TAF1: variants seen among roughly 807,000 people sequenced by gnomAD.
TAF1 encodes the protein TATA-box binding protein associated factor 1, also known as transcription initiation factor TFIID subunit 1.
In TAF1, 2 loss-of-function variants were observed where a neutral mutation model predicts 138.5. That is an observed-to-expected ratio of 0.01 (90% confidence interval 0.01 to 0.05). The LOEUF (loss-of-function observed/expected upper bound fraction) is 0.05, where lower values mean the gene tolerates loss of function less well. Among genes scored for constraint, TAF1 ranks in the 10% least tolerant of loss-of-function variants. The pLI is 1.00. For missense variants in TAF1, 709 were observed against 1,478.0 expected (o/e 0.48, Z 8.53); for synonymous variants, 437 against 503.2 (o/e 0.87, Z 1.76).
chrX:71,367,141 C>T (rs991818475), intron 1 of TAF1, among the ~76,000 whole-genome samples: 1 of 112,349 alleles, frequency 8.9e-6, no homozygotes, highest in African/African-American at 3.2e-5. Flanking sequence ...GAAACAGGGA[C>T]CGAACGAGCC....
At chrX:71,503,298 G>GTA (rs1161129315) in intron 13 of TAF1, among the ~76,000 whole-genome samples, 6,587 of 80,029 alleles carry the variant, frequency 0.082, 306 homozygotes, top group African/African-American at 0.15. Context: ...ATATATATGT[G>GTA]TATATATATA....
chrX:71,370,850 A>G (rs2033005933), intron 3 of TAF1, among the ~76,000 whole-genome samples: 1 of 112,237 alleles, frequency 8.9e-6, no homozygotes, highest in African/African-American at 3.2e-5. Flanking sequence ...CCCACGAAAA[A>G]TAGAAGATAT....
chrX:71,413,144 C>G (rs1285576436), intron 28 of TAF1, among the ~76,000 whole-genome samples: 6 of 111,749 alleles, frequency 5.4e-5, no homozygotes, highest in Non-Finnish European at 1.1e-4. Flanking sequence ...AACCTGAAAT[C>G]TGAAACACTT....
intron 28 of TAF1, among the ~76,000 whole-genome samples, chrX:71,418,304 C>T (rs930226646): frequency 2.7e-5 from 3 of 111,611 alleles, no homozygotes; most frequent in Non-Finnish European, 5.6e-5. Context: ...ACTATGTTGC[C>T]CAGGCTGGTC....
At chrX:71,373,517 A>T (rs1175950329) in intron 3 of TAF1, among the ~76,000 whole-genome samples, 1 of 111,527 alleles carries the variant, frequency 9.0e-6, no homozygotes, top group Non-Finnish European at 1.9e-5. Flanking sequence ...ATTGGGGGTT[A>T]TGAGATTGAT....
Position 71,407,595 on chromosome X carries a change from C to T in TAF1, c.4129C>T (p.Arg1377Trp). ...TTAGAGACCTCATAAGTCCATCCAC[C>T]GGCGCCGCACAGACCCTATGGTGAC... Reference protein sequence around the residue: ...YLNRPHKSIHRRRTDPMVTLS... With the variant: ...YLNRPHKSIHWRRTDPMVTLS... The change falls in exon 27 of 38, where the codon CGG (arginine) becomes TGG (tryptophan). Residue 1377 changes from arginine (R) to tryptophan (W), a missense_variant. Physicochemically the swap from Arg to Trp is moderately radical, Grantham distance 101. Around this residue, in one of 14 missense-constraint regions of TAF1, gnomAD observed 63 missense variants for 163.3 expected, o/e 0.39. Transcript: ENST00000423759. 1 of 1,210,898 alleles carries T rather than the reference C, an allele frequency of 8.3e-7. No homozygotes were observed. The highest frequency in any genetic ancestry group is 1.1e-6 in the Non-Finnish European group (1 of 895,032).
intron 13 of TAF1, among the ~76,000 whole-genome samples, chrX:71,471,461 CTTT>C (rs1279972405): frequency 5.7e-5 from 5 of 87,319 alleles, no homozygotes; most frequent in Admixed American, 1.3e-4. Context: ...GAAATGGTCA[CTTT>C]TTTTTTTTTT....
chrX:71,370,347 T>TC (rs2032955552), intron 3 of TAF1, among the ~76,000 whole-genome samples: 1 of 110,695 alleles, frequency 9.0e-6, no homozygotes, highest in Non-Finnish European at 1.9e-5. Flanking sequence ...TGCTTGAGAC[T>TC]CCCCCACCCC....
intron 24 of TAF1, 72 bp from the exon 25 acceptor site, chrX:71,401,456 C>T: frequency 8.7e-7 from 1 of 1,152,513 alleles, no homozygotes; most frequent in Non-Finnish European, 1.2e-6. Context: ...GACTTTATTT[C>T]TTACCTGCTT....
rs746657212 is a variant in TAF1 at position 71,493,923 on chromosome X, C to T, written c.1366+33120C>T. On this transcript the variant is annotated intron_variant and NMD_transcript_variant, in intron 13 of 14. Coordinates refer to the TAF1 transcript ENST00000373775. ...AGGAATTTGAGGCCTCAGTAAGCTA[C>T]AATTGTGCCACTGCACTCCAGCCTG... Among the ~76,000 whole-genome samples, 43 of 112,013 alleles carry T rather than the reference C, an allele frequency of 3.8e-4. 1 individual carries two copies. The highest frequency in any genetic ancestry group is 3.4e-3 in the Admixed American group (36 of 10,534).
chrX:71,497,606 G>A (rs949771697), intron 13 of TAF1, among the ~76,000 whole-genome samples: 1 of 111,606 alleles, frequency 9.0e-6, no homozygotes, highest in African/African-American at 3.3e-5. Context: ...TGTCCCACGA[G>A]TTTGAGTAAG....
rs760062431 is a variant in TAF1 at position 71,454,240 on chromosome X, A to G, written c.4821+3A>G. 8 of 1,207,892 alleles carry G rather than the reference A, an allele frequency of 6.6e-6. No homozygotes were observed. The Admixed American group carries it at 1.7e-4, about 26-fold the overall frequency. On this transcript the variant is annotated splice_donor_region_variant and intron_variant, in intron 33 of 37. Coordinates refer to ENST00000423759, the MANE Select transcript of TAF1 (RefSeq NM_004606.5). The stretch of plus-strand genomic sequence containing the variant: ...TCTGTTACCAGACATTGACTGAGGT[A>G]GGTGGTAAAGATGGAGGTCCTAAGC...
At chrX:71,503,298 G>GTGTA (rs1556030944) in intron 13 of TAF1, among the ~76,000 whole-genome samples, 24 of 80,260 alleles carry the variant, frequency 3.0e-4, no homozygotes, top group African/African-American at 9.0e-4. Flanking sequence ...ATATATATGT[G>GTGTA]TATATATATA....
intron 13 of TAF1, among the ~76,000 whole-genome samples, chrX:71,499,259 G>A (rs1294590809): frequency 9.0e-6 from 1 of 111,694 alleles, no homozygotes; most frequent in East Asian, 2.8e-4. Flanking sequence ...AGGTTTGTTT[G>A]TCTGAGGGCC....
chrX:71,398,855 G>A (rs2035000282), intron 24 of TAF1, 118 bp downstream of exon 24: 3 of 1,015,884 alleles, frequency 3.0e-6, no homozygotes, highest in Admixed American at 4.0e-5. Context: ...TGGAAAGCTG[G>A]TTTGAATTGA....
At chrX:71,417,113 A>AG (rs1277815028) in intron 28 of TAF1, among the ~76,000 whole-genome samples, 3 of 109,956 alleles carry the variant, frequency 2.7e-5, no homozygotes, top group African/African-American at 9.9e-5. Flanking sequence ...CTGGATCTTG[A>AG]GGACCCTGTC....
intron 25 of TAF1, among the ~76,000 whole-genome samples, chrX:71,403,911 CTTTTTTTTTTTT>C (rs34947744): frequency 1.2e-5 from 1 of 86,212 alleles, no homozygotes; most frequent in Non-Finnish European, 2.3e-5. Context: ...TTTTTTTTTT[CTTTTTTTTTTTT>C]TTAATGACCC....
In TAF1 at chrX:71,384,060, A is replaced by G. The variant is rs199653335; in HGVS notation, c.2046A>G (p.Ala682=). The change falls in exon 13 of 38, where the codon GCA becomes GCG. Residue 682 remains alanine, a synonymous_variant. Coordinates refer to ENST00000423759, the MANE Select transcript of TAF1 (RefSeq NM_004606.5). ...GCAAAGATGGTGATCTTATTCTTGC[A>G]GAATATAGTGAGGAAAATGGACCCT... ...LTGKDGDLIL[A]EYSEENGPLM... 7.9e-5 allele frequency: 96 copies of G among 1,209,666 alleles called. No individual in the cohort carries two copies. The highest frequency in any genetic ancestry group is 1.0e-4 in the Non-Finnish European group (91 of 895,291).
At chrX:71,487,603 G>A (rs1021083004) in intron 13 of TAF1, among the ~76,000 whole-genome samples, 7 of 111,528 alleles carry the variant, frequency 6.3e-5, no homozygotes, top group Non-Finnish European at 1.3e-4. Context: ...AATTACAGGC[G>A]TGAGCCACCG....
Sources: allele counts gnomAD v4.1 joint callset (sites outside exome capture counted in the v4.1 genomes callset), GRCh38; gene constraint gnomAD v4.1.1; regional missense constraint gnomAD v4.1.1; transcripts MANE v1.5; gene names NCBI Gene and HGNC (gene_info 2026-07-23, HGNC 2026-07-21).